The following PAG1 variants were observed in gnomAD, a reference collection of about 807,000 sequenced individuals.
PAG1 encodes the protein phosphoprotein associated with glycosphingolipid-enriched microdomains 1.
A neutral mutation model predicts 31.7 loss-of-function variants in PAG1; 23 were observed. That is an observed-to-expected ratio of 0.73 (90% CI 0.52 to 1.03). The LOEUF (loss-of-function observed/expected upper bound fraction) is 1.03, where lower values mean the gene tolerates loss of function less well. PAG1 is among the 50% of genes least tolerant of loss of function. PAG1 has a pLI of 0.00. For missense variants in PAG1, 473 were observed against 540.7 expected, an observed-to-expected ratio of 0.87 and a Z score of 1.24; for synonymous variants, 214 against 210.3, an observed-to-expected ratio of 1.02 and a Z score of -0.15.
chr8:80,989,829 C>T (rs1465218424), intron 5 of PAG1, among the ~76,000 whole-genome samples: 1 of 152,114 alleles, frequency 6.6e-6, no homozygotes, highest in African/African-American at 2.4e-5. Flanking sequence ...TTCTAAGGAG[C>T]TCCCAGGTGC....
In PAG1 at chr8:80,973,530, C is replaced by A. The variant is rs973455104; in HGVS notation, c.*3014G>T. The A allele has an allele frequency of 6.6e-6, 1 of 152,094 alleles. No homozygotes were observed. The highest frequency in any genetic ancestry group is 6.6e-5 in the Admixed American group (1 of 15,264). The allele number at this position is 152,094 out of a possible 1,614,324, so 9.4% of individuals were successfully genotyped here. The stretch of plus-strand genomic sequence containing the variant: ...TTTTAACTGAGATAGATTTATAATT[C>A]TTACTTACAAGATAAAAAAATTTCC... On this transcript the variant is annotated 3_prime_UTR_variant, in exon 9 of 9. Transcript: ENST00000220597.
In PAG1 at chr8:80,968,203, T is replaced by G. The variant is rs1807002216; in HGVS notation, c.*8341A>C. 6.6e-6 allele frequency: 1 copy of G among 152,254 alleles called. No individual in the cohort carries two copies. Among genetic ancestry groups the G allele is most frequent in the South Asian group, 2.1e-4 (1 of 4,836 alleles). 9.4% of individuals were successfully genotyped at this position (152,254 alleles called of 1,614,324 possible). On this transcript the variant is annotated 3_prime_UTR_variant, in exon 9 of 9. Coordinates refer to ENST00000220597, the MANE Select transcript of PAG1 (RefSeq NM_018440.4). ...TCATTAAAAACACAACTTCAATTTATATAGCACCTTTCTTCCGAAGAGTTG... is the reference window on the plus strand; with the variant it reads ...TCATTAAAAACACAACTTCAATTTAGATAGCACCTTTCTTCCGAAGAGTTG...
At chr8:81,111,074 C>G (rs1259227555) in intron 1 of PAG1, among the ~76,000 whole-genome samples, 2 of 152,180 alleles carry the variant, frequency 1.3e-5, no homozygotes, top group African/African-American at 2.4e-5. Flanking sequence ...GCATAAAACA[C>G]CGGGTCGACA....
At chr8:81,028,204 A>G (rs6981109) in intron 3 of PAG1, among the ~76,000 whole-genome samples, 100,748 of 152,128 alleles carry the variant, frequency 0.66, 33,883 homozygotes, top group Non-Finnish European at 0.72. Context: ...CCTCAGTCAC[A>G]GCCAGCTCAG....
At chr8:81,073,338 C>T (rs1809124293) in intron 1 of PAG1, among the ~76,000 whole-genome samples, 1 of 152,178 alleles carries the variant, frequency 6.6e-6, no homozygotes, top group South Asian at 2.1e-4. Context: ...TCCTGACTCA[C>T]ACTACCAACC....
At chr8:81,061,376 G>C (rs564626062) in intron 2 of PAG1, among the ~76,000 whole-genome samples, 114 of 152,282 alleles carry the variant, frequency 7.5e-4, no homozygotes, top group African/African-American at 2.5e-3. Flanking sequence ...CTTGTGGCTG[G>C]AAAATTTGAT....
intron 1 of PAG1, among the ~76,000 whole-genome samples, chr8:81,071,577 C>T (rs1435067111): frequency 6.6e-6 from 1 of 152,150 alleles, no homozygotes; most frequent in Non-Finnish European, 1.5e-5. Context: ...GGGAATAGTA[C>T]TTGTTCAAAA....
At chr8:81,068,548 A>T (rs1457428409) in intron 2 of PAG1, among the ~76,000 whole-genome samples, 2 of 152,234 alleles carry the variant, frequency 1.3e-5, no homozygotes, top group African/African-American at 4.8e-5. Flanking sequence ...AAGAATGCTT[A>T]TATCTAGTCA....
chr8:81,018,368 T>C (rs760782564), intron 3 of PAG1, among the ~76,000 whole-genome samples: 2 of 152,266 alleles, frequency 1.3e-5, no homozygotes, highest in Non-Finnish European at 2.9e-5. Flanking sequence ...TATTTTAATA[T>C]GATTTTGAGC....
intron 2 of PAG1, among the ~76,000 whole-genome samples, chr8:81,068,081 A>G (rs915273186): frequency 5.9e-5 from 9 of 151,960 alleles, no homozygotes; most frequent in African/African-American, 1.9e-4. Flanking sequence ...ATTTTTAGTA[A>G]AGACGGGGTT....
At chr8:81,064,660 G>A (rs1318304171) in intron 2 of PAG1, among the ~76,000 whole-genome samples, 2 of 150,924 alleles carry the variant, frequency 1.3e-5, no homozygotes, top group Non-Finnish European at 2.9e-5. Context: ...GTCCTCTAGT[G>A]TGCTTTTCAT....
At chr8:81,081,953 C>T (rs1809272820) in intron 1 of PAG1, among the ~76,000 whole-genome samples, 3 of 152,018 alleles carry the variant, frequency 2.0e-5, no homozygotes, top group African/African-American at 7.2e-5. Flanking sequence ...AGTGATATTG[C>T]TGTATCTCAA....
At chr8:81,098,038 G>A (rs1267565126) in intron 1 of PAG1, among the ~76,000 whole-genome samples, 1 of 152,158 alleles carries the variant, frequency 6.6e-6, no homozygotes. Flanking sequence ...ATTGCTATAA[G>A]AGTATGCATT....
At chr8:81,014,032 C>A (rs904660658) in intron 3 of PAG1, among the ~76,000 whole-genome samples, 1 of 152,116 alleles carries the variant, frequency 6.6e-6, no homozygotes, top group Non-Finnish European at 1.5e-5. Context: ...AAAATCATTG[C>A]GGTAATTTAA....
At chr8:81,075,650 G>C (rs1198441271) in intron 1 of PAG1, among the ~76,000 whole-genome samples, 1 of 152,170 alleles carries the variant, frequency 6.6e-6, no homozygotes, top group African/African-American at 2.4e-5. Context: ...TGGGGAAACT[G>C]AGGCCTAGAA....
intron 5 of PAG1, 79 bp downstream of exon 5, chr8:80,991,400 C>T (rs1563619928): frequency 8.9e-7 from 1 of 1,129,618 alleles, no homozygotes; most frequent in Non-Finnish European, 1.4e-6. Context: ...GCTGTGAGCA[C>T]ATGGGAGCAC....
intron 3 of PAG1, among the ~76,000 whole-genome samples, chr8:80,998,910 C>T (rs1807735562): frequency 6.6e-6 from 1 of 152,144 alleles, no homozygotes; most frequent in Non-Finnish European, 1.5e-5. Flanking sequence ...AGGGCCCAAT[C>T]CCAGTGGGAA....
intron 2 of PAG1, among the ~76,000 whole-genome samples, chr8:81,065,737 A>T (rs1164009843): frequency 6.6e-6 from 1 of 152,018 alleles, no homozygotes; most frequent in African/African-American, 2.4e-5. Flanking sequence ...AAGTCTAACA[A>T]TAATTTTAAT....
intron 3 of PAG1, among the ~76,000 whole-genome samples, chr8:81,004,350 T>C (rs1313831448): frequency 1.3e-5 from 2 of 152,208 alleles, no homozygotes; most frequent in African/African-American, 4.8e-5. Context: ...CTGTTTCTCT[T>C]ACTACAGGCA....
Sources: gnomAD v4.1 joint callset for allele counts (sites outside exome capture counted in the v4.1 genomes callset) on GRCh38, gnomAD v4.1.1 for gene constraint, MANE v1.5 for transcripts, NCBI Gene and HGNC (gene_info 2026-07-23, HGNC 2026-07-21) for gene names.